Variants in PHF12 observed in about 807,000 individuals in gnomAD.
The protein encoded by PHF12 is PHD finger protein 12.
In PHF12, 6 loss-of-function variants were observed where a neutral mutation model predicts 99.8. That is an observed-to-expected ratio of 0.06 (90% CI 0.03 to 0.12). The LOEUF is 0.12. Ranked by LOEUF, PHF12 falls within the 10% of genes least tolerant of loss-of-function variation. The pLI is 1.00. For missense variants in PHF12, 954 were observed against 1,300.1 expected, an observed-to-expected ratio of 0.73 and a Z score of 4.09; for synonymous variants, 480 against 514.9, an observed-to-expected ratio of 0.93 and a Z score of 0.92.
chr17:28,909,578 A>C (rs2039924603), intron 11 of PHF12: 1 of 152,872 alleles, frequency 6.5e-6, no homozygotes, highest in South Asian at 2.1e-4. Flanking sequence ...TTCTTTTTAA[A>C]ATTTTATTTA....
chr17:28,941,685 C>T (rs2040618961), intron 2 of PHF12, among the ~76,000 whole-genome samples: 1 of 151,952 alleles, frequency 6.6e-6, no homozygotes, highest in Non-Finnish European at 1.5e-5. Context: ...ATCACTGCAA[C>T]CTCCACCTCC....
chr17:28,912,705 T>C lies in PHF12; in HGVS notation c.1866A>G (p.Pro622=), dbSNP rs756295275. The change falls in exon 9 of 15, where the codon CCA becomes CCG. Residue 622 remains proline, a synonymous_variant. Coordinates refer to ENST00000332830, the MANE Select transcript of PHF12 (RefSeq NM_001033561.2). Reference sequence around the variant, plus strand: ...AGCTGGGAATGGAAGGGGGCAGGCTTGGGACAGGAACCAAACTCCTCTGGG... The same window carrying C: ...AGCTGGGAATGGAAGGGGGCAGGCTCGGGACAGGAACCAAACTCCTCTGGG... The part of the protein sequence containing the change: ...SCPQRSLVPV[P]SLPPSIPSSC... 13 of 1,614,064 alleles carry C rather than the reference T, an allele frequency of 8.1e-6. No homozygotes were observed. The highest frequency in any genetic ancestry group is 1.0e-5 in the Non-Finnish European group (12 of 1,180,032).
At chr17:28,914,060 GGAA>G in intron 7 of PHF12, 23 bp from the exon 8 acceptor site, 1 of 1,577,940 alleles carries the variant, frequency 6.3e-7, no homozygotes, top group Non-Finnish European at 8.7e-7. Flanking sequence ...GATAGAAGGA[GGAA>G]GGAGAGGGAG....
At chr17:28,918,555 T>C (rs956512855) in intron 6 of PHF12, among the ~76,000 whole-genome samples, 1 of 152,348 alleles carries the variant, frequency 6.6e-6, no homozygotes, top group Non-Finnish European at 1.5e-5. Flanking sequence ...CCTTTTTAAT[T>C]TGGAAGGCTG....
chr17:28,917,233 A>ACC, intron 7 of PHF12, 52 bp downstream of exon 7: 1 of 1,610,878 alleles, frequency 6.2e-7, no homozygotes, highest in Non-Finnish European at 8.5e-7. Flanking sequence ...CCTCTGTCTA[A>ACC]CCCATGATGG....
At chr17:28,941,377 T>C (rs2040613447) in intron 2 of PHF12, among the ~76,000 whole-genome samples, 1 of 152,200 alleles carries the variant, frequency 6.6e-6, no homozygotes, top group Non-Finnish European at 1.5e-5. Flanking sequence ...AAAAATCCTC[T>C]TGGGAGGATC....
In PHF12 at chr17:28,950,213, C is replaced by T; in HGVS notation, c.100G>A (p.Asp34Asn). 6.2e-7 allele frequency: 1 copy of T among 1,612,388 alleles called. No homozygotes were observed. The highest frequency in any genetic ancestry group is 2.2e-5 in the East Asian group (1 of 44,858). Residue 34 changes from aspartate (D) to asparagine (N), a missense_variant, in exon 2 of 15, where the codon GAC becomes AAC. This residue lies in a region of PHF12 where 66 missense variants were observed against 69.4 expected (regional missense o/e 0.95). Coordinates refer to ENST00000332830, the MANE Select transcript of PHF12 (RefSeq NM_001033561.2). This position sits in a 1 kb window ranked among gnomAD's most constrained non-coding sequence, Gnocchi z 5.7. ...IQALLAPPKT[D>N]EAEKRSRKPE... ...TTCCGACTGCGCTTTTCTGCCTCGTCCGTCTTGGGGGGAGCCAGCAGAGCT... is the reference window on the plus strand; with the variant it reads ...TTCCGACTGCGCTTTTCTGCCTCGTTCGTCTTGGGGGGAGCCAGCAGAGCT...
In PHF12 at chr17:28,907,641, A is replaced by G; in HGVS notation, c.2490T>C (p.Tyr830=). ...GADMDVCLTN[Y]GHCNYVSGKH... ...TCCCGGACACGTAGTTACAGTGACC[A>G]TAGTTTGTAAGGCACACATCCATGT... is the stretch of plus-strand genomic sequence containing the variant. The change falls in exon 13 of 15, where the codon TAT becomes TAC. Residue 830 remains tyrosine (Y), a synonymous_variant. Coordinates refer to ENST00000332830, the MANE Select transcript of PHF12 (RefSeq NM_001033561.2). 6.2e-7 allele frequency: 1 copy of G among 1,613,968 alleles called. No homozygotes were observed. The highest frequency in any genetic ancestry group is 8.5e-7 in the Non-Finnish European group (1 of 1,179,892).
chr17:28,921,953 G>T, intron 4 of PHF12, 145 bp from the exon 5 acceptor site: 1 of 1,111,996 alleles, frequency 9.0e-7, no homozygotes. Flanking sequence ...CCCTGGGGTT[G>T]ATTTTAAGTT....
Position 28,951,177 on chromosome 17 carries a change from T to G in PHF12, c.-217A>C. On this transcript the variant is annotated 5_prime_UTR_variant, in exon 1 of 15. Coordinates refer to ENST00000332830, the MANE Select transcript of PHF12 (RefSeq NM_001033561.2). ...CCGCGAGGGGGGAGCGGCCCCTCAG[T>G]CCCGGCCCGGCTGCTGGCTGCACAG... 7.1e-7 allele frequency: 1 copy of G among 1,414,062 alleles called. No individual in the cohort carries two copies. Among genetic ancestry groups the G allele is most frequent in the Non-Finnish European group, 9.2e-7 (1 of 1,088,004 alleles). The allele number at this position is 1,414,062 out of a possible 1,614,324, so 87.6% of individuals were successfully genotyped here. A position where few individuals can be genotyped will look rare whatever the true frequency, so the allele number is the denominator to read the frequency against.
chr17:28,938,303 T>C (rs2040546432), intron 2 of PHF12, among the ~76,000 whole-genome samples: 1 of 152,196 alleles, frequency 6.6e-6, no homozygotes, highest in African/African-American at 2.4e-5. Flanking sequence ...CCATCTCAGC[T>C]CACTGCAACC....
intron 11 of PHF12, 65 bp downstream of exon 11, chr17:28,910,161 A>ATTGC (rs745366738): frequency 6.2e-7 from 1 of 1,606,874 alleles, no homozygotes; most frequent in Non-Finnish European, 8.5e-7. Flanking sequence ...CATGGAGGCA[A>ATTGC]GGTGACCATT....
Position 28,924,120 on chromosome 17 carries a change from T to G in PHF12, c.504A>C (p.Thr168=), listed in dbSNP as rs2040222304. The G allele has an allele frequency of 6.2e-7, 1 of 1,614,088 alleles. No individual in the cohort carries two copies. ...TGGGAGTCTCTGTGCTGGCGCTGGA[T>G]GTGGGTGTGCCAGGCCTGCTGGCTC... The part of the protein sequence containing the change: ...ERRASRPGTP[T]SSASTETPTS... The change falls in exon 4 of 15, where the codon ACA becomes ACC. Residue 168 remains threonine (T), a synonymous_variant. Transcript: ENST00000332830.
chr17:28,928,236 A>G (rs2040321529), intron 2 of PHF12: 1 of 152,296 alleles, frequency 6.6e-6, no homozygotes, highest in Admixed American at 6.5e-5. Flanking sequence ...AGTCCCAGCC[A>G]ACATCATGTG....
At chr17:28,934,082 T>C (rs558401932) in intron 2 of PHF12, among the ~76,000 whole-genome samples, 43 of 152,304 alleles carry the variant, frequency 2.8e-4, no homozygotes, top group African/African-American at 9.9e-4. Context: ...AGGATCAAAA[T>C]CATCCATCCA....
At chr17:28,913,392 A>G (rs1468414388) in intron 8 of PHF12, 115 bp from the exon 9 acceptor site, 1 of 1,476,172 alleles carries the variant, frequency 6.8e-7, no homozygotes, top group Non-Finnish European at 8.9e-7. Context: ...TCCCATCATG[A>G]ATGCTCACAA....
Position 28,951,260 on chromosome 17 carries a change from G to A in PHF12, c.-300C>T, listed in dbSNP as rs965924800. ...GGGCCTAGTCCCACAGGCTAAAGCC[G>A]GCACTGGCGACAGCCGGTCCGGCCG... On this transcript the variant is annotated 5_prime_UTR_variant, in exon 1 of 15. Transcript: ENST00000332830. The A allele has an allele frequency of 3.3e-6, 4 of 1,218,452 alleles. No homozygotes were observed. The highest frequency in any genetic ancestry group is 4.1e-6 in the Non-Finnish European group (4 of 973,212). The allele number at this position is 1,218,452 out of a possible 1,614,324, so 75.5% of individuals were successfully genotyped here. A position where few individuals can be genotyped will look rare whatever the true frequency, so the allele number is the denominator to read the frequency against.
At chr17:28,911,366 G>A in intron 9 of PHF12, 129 bp from the exon 10 acceptor site, 23 of 1,318,538 alleles carry the variant, frequency 1.7e-5, no homozygotes, top group Non-Finnish European at 2.4e-5. Context: ...TCAACCCATA[G>A]GCTCTGGAAC....
At chr17:28,946,592 T>TGTGA (rs2040726532) in intron 2 of PHF12, among the ~76,000 whole-genome samples, 4 of 152,358 alleles carry the variant, frequency 2.6e-5, no homozygotes, top group Admixed American at 6.5e-5. Context: ...TGAGGCAGAC[T>TGTGA]GGCAAGGAAT....
Sources: allele counts gnomAD v4.1 joint callset (sites outside exome capture counted in the v4.1 genomes callset), GRCh38; gene constraint gnomAD v4.1.1; regional missense constraint gnomAD v4.1.1; non-coding constraint Gnocchi (gnomAD v3.1); transcripts MANE v1.5; gene names NCBI Gene and HGNC (gene_info 2026-07-23, HGNC 2026-07-21).